Variants in ISM1 observed in about 807,000 individuals in gnomAD.
ISM1 encodes isthmin 1, also known as isthmin-1.
In ISM1, 25 loss-of-function variants were observed where a neutral mutation model predicts 46.3. That is an observed-to-expected ratio of 0.54 (90% CI 0.39 to 0.75). The LOEUF is 0.75. Ranked by LOEUF, ISM1 falls within the 30% of genes least tolerant of loss-of-function variation. ISM1 has a pLI of 0.00. For synonymous variants in ISM1, 255 were observed against 256.7 expected, an observed-to-expected ratio of 0.99 and a Z score of 0.06; for missense variants, 536 against 625.4, an observed-to-expected ratio of 0.86 and a Z score of 1.52.
chr20:13,323,557 G>A, the ISM1 span, among the ~76,000 whole-genome samples: 1 of 152,040 alleles, frequency 6.6e-6, no homozygotes, highest in Non-Finnish European at 1.5e-5. Context: ...ATGAAACTAC[G>A]TTTTCTTGGC....
chr20:13,309,834 C>T, the ISM1 span, among the ~76,000 whole-genome samples: 1 of 147,372 alleles, frequency 6.8e-6, no homozygotes, highest in Non-Finnish European at 1.5e-5. Flanking sequence ...AGAAAACATT[C>T]TCATTTACAA....
At chr20:13,292,343 G>C in intron 4 of ISM1, 31 bp from the exon 5 acceptor site, 1 of 1,403,822 alleles carries the variant, frequency 7.1e-7, no homozygotes. Context: ...TCCATGTAAT[G>C]ATGGAAAAAT....
intron 3 of ISM1, among the ~76,000 whole-genome samples, chr20:13,280,398 C>A (rs537228150): frequency 4.1e-5 from 6 of 148,016 alleles, no homozygotes; most frequent in African/African-American, 9.8e-5. Flanking sequence ...GTAACCCCCC[C>A]CCCCCAATAC....
chr20:13,298,358 C>T (rs6078978), intron 5 of ISM1, among the ~76,000 whole-genome samples: 14,012 of 152,154 alleles, frequency 0.092, 918 homozygotes, highest in Middle Eastern at 0.14. Context: ...TAAGATGATC[C>T]GCCCGCCTCA....
intron 3 of ISM1, among the ~76,000 whole-genome samples, chr20:13,287,493 T>G (rs2123305023): frequency 6.6e-6 from 1 of 152,296 alleles, no homozygotes. Context: ...TACCACCCTC[T>G]CCCACACCTC....
rs766037391 is a variant in ISM1, at chr20:13,299,022, C to T, written c.958C>T (p.Pro320Ser). 6.2e-7 allele frequency: 1 copy of T among 1,613,680 alleles called. No homozygotes were observed. The highest frequency in any genetic ancestry group is 8.5e-7 in the Non-Finnish European group (1 of 1,179,796). ...CATGCACAAGGTGATGAATGACCTG[C>T]CCAGCTGCCCCTGCTCCTACCCCAC... ...KYMHKVMNDL[P>S]SCPCSYPTEV... is the part of the protein sequence containing the mutation. Residue 320 changes from proline (P) to serine (S), a missense_variant, in exon 6 of 6, where the codon CCC (proline) becomes TCC (serine). Coordinates refer to ENST00000262487, the MANE Select transcript of ISM1 (RefSeq NM_080826.2). This position sits in a 1 kb window ranked among gnomAD's most constrained non-coding sequence, Gnocchi z 5.8.
intron 1 of ISM1, among the ~76,000 whole-genome samples, chr20:13,261,048 A>C (rs572693535): frequency 2.6e-5 from 4 of 152,176 alleles, no homozygotes; most frequent in Non-Finnish European, 5.9e-5. Context: ...AAGAGCAAAA[A>C]AAAATAGGCA....
chr20:13,287,240 A>T (rs1475435384), intron 3 of ISM1, among the ~76,000 whole-genome samples: 1 of 152,194 alleles, frequency 6.6e-6, no homozygotes, highest in Non-Finnish European at 1.5e-5. Flanking sequence ...TCATGGTGGA[A>T]GGCAAAGGAA....
chr20:13,262,381 T>C (rs961916762), intron 1 of ISM1, among the ~76,000 whole-genome samples: 2 of 152,080 alleles, frequency 1.3e-5, no homozygotes, highest in African/African-American at 4.8e-5. Context: ...TTTATCAAAG[T>C]GGTTCTGGAA....
chr20:13,279,504 C>A, intron 2 of ISM1, 130 bp from the exon 3 acceptor site: 2 of 871,118 alleles, frequency 2.3e-6, no homozygotes, highest in Non-Finnish European at 3.5e-6. Flanking sequence ...TATCGCCATG[C>A]AATCTCAGCT....
At chr20:13,322,705 T>C in the ISM1 span, among the ~76,000 whole-genome samples, 1 of 152,174 alleles carries the variant, frequency 6.6e-6, no homozygotes, top group Non-Finnish European at 1.5e-5. Flanking sequence ...GCTGCAAAGC[T>C]TAGATTACTT....
At chr20:13,227,634 G>T (rs528229729) in intron 1 of ISM1, among the ~76,000 whole-genome samples, 2 of 150,808 alleles carry the variant, frequency 1.3e-5, no homozygotes, top group Admixed American at 6.6e-5. Flanking sequence ...TCAGCCTCCC[G>T]GGTAGCTGGG....
At position 13,270,637 on chromosome 20, in the gene ISM1, G is replaced by C. The variant is rs773761386; in HGVS notation, c.272G>C (p.Gly91Ala). The C allele has an allele frequency of 1.7e-5, 27 of 1,613,780 alleles. No homozygotes were observed. The South Asian group carries it at 2.5e-4, about 15-fold the overall frequency. Residue 91 changes from glycine (G) to alanine (A), a missense_variant, in exon 2 of 6, where the codon GGG (glycine) becomes GCG (alanine). By Grantham distance (60) the Gly-to-Ala change is moderately conservative. Transcript: ENST00000262487. Reference sequence around the variant, plus strand: ...AGACCGCGATTCCGACAAGAGACGGGGCACCCTTCATTGCAAAGAGATTTC... The same window carrying C: ...AGACCGCGATTCCGACAAGAGACGGCGCACCCTTCATTGCAAAGAGATTTC... ...FPRPRFRQETGHPSLQRDFPR... is the reference protein window; with the variant it reads ...FPRPRFRQETAHPSLQRDFPR...
chr20:13,309,010 A>G, the ISM1 span, among the ~76,000 whole-genome samples: 61,748 of 152,020 alleles, frequency 0.41, 12,932 homozygotes, highest in East Asian at 0.49. Context: ...AAATGTGAGA[A>G]ATACATTTCT....
the ISM1 span, among the ~76,000 whole-genome samples, chr20:13,326,237 G>A: frequency 6.6e-6 from 1 of 152,152 alleles, no homozygotes; most frequent in African/African-American, 2.4e-5. Flanking sequence ...TAAGTTGTTT[G>A]TAAGTTTTGG....
At chr20:13,306,132 T>C in the ISM1 span, among the ~76,000 whole-genome samples, 1 of 152,228 alleles carries the variant, frequency 6.6e-6, no homozygotes, top group Non-Finnish European at 1.5e-5. Flanking sequence ...AGGCATGTAA[T>C]TCATGGATGA....
chr20:13,300,923 A>C (rs1382061610), downstream of ISM1, among the ~76,000 whole-genome samples: 1 of 152,246 alleles, frequency 6.6e-6, no homozygotes, highest in Non-Finnish European at 1.5e-5. Context: ...GACAGCCCAG[A>C]TGAGCAGGGC....
chr20:13,295,814 G>A (rs1460692859), intron 5 of ISM1, among the ~76,000 whole-genome samples: 4 of 152,192 alleles, frequency 2.6e-5, no homozygotes, highest in African/African-American at 9.7e-5. Context: ...CTCAGTCATT[G>A]GCTGAGAGCA....
chr20:13,265,227 T>C (rs1337689935), intron 1 of ISM1, among the ~76,000 whole-genome samples: 2 of 152,212 alleles, frequency 1.3e-5, no homozygotes, highest in Non-Finnish European at 2.9e-5. Context: ...CAGCTCCCTG[T>C]TCTCTTAACC....
Sources: gnomAD v4.1 joint callset for allele counts (sites outside exome capture counted in the v4.1 genomes callset) on GRCh38, gnomAD v4.1.1 for gene constraint, Gnocchi (gnomAD v3.1) non-coding constraint, MANE v1.5 for transcripts, NCBI Gene and HGNC (gene_info 2026-07-23, HGNC 2026-07-21) for gene names.